SRGAP2: variants seen among roughly 807,000 people sequenced by gnomAD.
The protein encoded by SRGAP2 is SLIT-ROBO Rho GTPase-activating protein 2.
A neutral mutation model predicts 57.2 loss-of-function variants in SRGAP2; 15 were observed. The ratio of observed to expected loss-of-function variants is 0.26; its 90% CI spans 0.18 to 0.40. SRGAP2 has a LOEUF of 0.40. Ranked by LOEUF, SRGAP2 falls within the 10% of genes least tolerant of loss-of-function variation. The pLI is 1.00. For synonymous variants in SRGAP2, 249 were observed against 248.0 expected, an observed-to-expected ratio of 1.00 and a Z score of -0.04; for missense variants, 520 against 669.6, an observed-to-expected ratio of 0.78 and a Z score of 2.47.
At position 206,461,494 on chromosome 1, in the gene SRGAP2, A is replaced by T. The variant is rs1553380798; in HGVS notation, c.*74A>T. On this transcript the variant is annotated 3_prime_UTR_variant, in exon 23 of 23. Coordinates refer to ENST00000573034, the MANE Select transcript of SRGAP2 (RefSeq NM_015326.5). ...GTTATTAAAATCTTCCTATTTAACT[A>T]GCTTGGGGACTTCAGTTGAAAATTA... 1.5e-6 allele frequency: 1 copy of T among 659,730 alleles called. No homozygotes were observed. The highest frequency in any genetic ancestry group is 2.5e-5 in the Admixed American group (1 of 40,112). The allele number at this position is 659,730 out of a possible 1,614,324, so 40.9% of individuals were successfully genotyped here.
At chr1:206,254,179 G>GTTT (rs373417477) in intron 2 of SRGAP2, among the ~76,000 whole-genome samples, 16 of 47,110 alleles carry the variant, frequency 3.4e-4, no homozygotes, top group African/African-American at 1.9e-3. Flanking sequence ...TGCTTTTTCT[G>GTTT]TTTTTTTTTT....
chr1:206,359,798 C>T lies in SRGAP2; in HGVS notation c.423+16790C>T, dbSNP rs1489395738. 4.7e-3 allele frequency among the ~76,000 whole-genome samples: 331 copies of T among 70,112 alleles called. 6 individuals carry two copies. The highest frequency in any genetic ancestry group is 0.016 in the African/African-American group (278 of 16,862). 46.0% of individuals were successfully genotyped at this position (70,112 alleles called of 152,430 possible). On this transcript the variant is annotated intron_variant, in intron 4 of 22. Transcript: ENST00000573034. The stretch of plus-strand genomic sequence containing the variant: ...AGGATGGGGTACAAGGGATATTGCT[C>T]TTTTTTTTTTTTTTTTTTTTTTTTT...
At chr1:206,307,362 A>C (rs1672293039) in intron 3 of SRGAP2, among the ~76,000 whole-genome samples, 1 of 152,278 alleles carries the variant, frequency 6.6e-6, no homozygotes, top group South Asian at 2.1e-4. Flanking sequence ...CCATGTCCCC[A>C]CCAGACTCAG....
intron 17 of SRGAP2, 82 bp from the exon 18 acceptor site, chr1:206,445,993 C>A: frequency 2.7e-6 from 2 of 727,500 alleles, no homozygotes; most frequent in Admixed American, 1.9e-5. Context: ...TGCTTTTGCT[C>A]TTGGCAGCGC....
intron 13 of SRGAP2, among the ~76,000 whole-genome samples, chr1:206,423,879 G>A (rs1438748723): frequency 1.0e-4 from 15 of 149,980 alleles, no homozygotes; most frequent in Admixed American, 8.0e-4. Context: ...GGCTCAAGCA[G>A]TGCACCCACC....
intron 19 of SRGAP2, 39 bp downstream of exon 19, chr1:206,450,504 G>C (rs781993620): frequency 3.9e-6 from 3 of 778,668 alleles, no homozygotes; most frequent in East Asian, 4.9e-5. Context: ...GGACGCCAGG[G>C]GTGAGGCAGA....
chr1:206,314,173 T>C (rs1174591249), intron 3 of SRGAP2, among the ~76,000 whole-genome samples: 9 of 151,586 alleles, frequency 5.9e-5, no homozygotes, highest in African/African-American at 2.2e-4. Flanking sequence ...TCGCTCTTGT[T>C]GCCCAGGCTG....
At chr1:206,437,406 C>T (rs1322508194) in intron 15 of SRGAP2, among the ~76,000 whole-genome samples, 9 of 152,182 alleles carry the variant, frequency 5.9e-5, no homozygotes, top group African/African-American at 1.4e-4. Context: ...ATTTTGTGGG[C>T]TATTAAGGTA....
intron 3 of SRGAP2, among the ~76,000 whole-genome samples, chr1:206,308,069 C>G (rs1672367810): frequency 7.1e-6 from 1 of 141,312 alleles, no homozygotes; most frequent in African/African-American, 2.6e-5. Flanking sequence ...GGTGATTTCT[C>G]CAAGTTTAGA....
intron 13 of SRGAP2, among the ~76,000 whole-genome samples, chr1:206,426,151 A>G (rs118126779): frequency 0.013 from 1,910 of 152,246 alleles, 24 homozygotes; most frequent in South Asian, 0.027. Flanking sequence ...CCCAGTCTCC[A>G]GAAACCGTCA....
At chr1:206,324,571 G>A (rs1673727752) in intron 3 of SRGAP2, among the ~76,000 whole-genome samples, 1 of 151,954 alleles carries the variant, frequency 6.6e-6, no homozygotes, top group Admixed American at 6.6e-5. Flanking sequence ...TCACTGGGGG[G>A]TGCACAATTG....
At chr1:206,417,433 T>G (rs1572099314) in intron 11 of SRGAP2, among the ~76,000 whole-genome samples, 4 of 148,410 alleles carry the variant, frequency 2.7e-5, no homozygotes, top group African/African-American at 1.0e-4. Context: ...TTTTTTTTTT[T>G]TTGAGATGGA....
At chr1:206,410,376 CTTTT>C (rs1168809269) in intron 10 of SRGAP2, among the ~76,000 whole-genome samples, 1 of 152,124 alleles carries the variant, frequency 6.6e-6, no homozygotes, top group Non-Finnish European at 1.5e-5. Context: ...TACCCGTTGC[CTTTT>C]TTATTGTGAT....
chr1:206,447,819 T>C (rs1481867012), intron 18 of SRGAP2, among the ~76,000 whole-genome samples: 1 of 152,210 alleles, frequency 6.6e-6, no homozygotes, highest in Admixed American at 6.5e-5. Flanking sequence ...CCCTGGCCCC[T>C]GAGTCCCAGC....
At chr1:206,217,438 T>C (rs1246231110) in intron 2 of SRGAP2, among the ~76,000 whole-genome samples, 7 of 152,138 alleles carry the variant, frequency 4.6e-5, no homozygotes, top group Non-Finnish European at 2.9e-5. Flanking sequence ...AGCTTTGTCA[T>C]TGGCTACCAT....
chr1:206,270,584 G>A (rs1194474174), intron 2 of SRGAP2, among the ~76,000 whole-genome samples: 1 of 149,828 alleles, frequency 6.7e-6, no homozygotes, highest in Non-Finnish European at 1.5e-5. Context: ...ACAATGGCAG[G>A]TACCACCAAA....
chr1:206,350,964 A>G (rs1483407172), intron 4 of SRGAP2, among the ~76,000 whole-genome samples: 1 of 151,776 alleles, frequency 6.6e-6, no homozygotes, highest in Non-Finnish European at 1.5e-5. Flanking sequence ...GAGAATTGCC[A>G]CAACAGTCAG....
At position 206,393,658 on chromosome 1, in the gene SRGAP2, A is replaced by G; in HGVS notation, c.816A>G (p.Leu272=). 4.3e-6 allele frequency: 3 copies of G among 705,724 alleles called. No homozygotes were observed. Among genetic ancestry groups the G allele is most frequent in the Non-Finnish European group, 7.9e-6 (3 of 378,140 alleles). 43.7% of individuals were successfully genotyped at this position (705,724 alleles called of 1,614,324 possible). The change falls in exon 7 of 23, where the codon CTA becomes CTG. Residue 272 remains leucine (L), a synonymous_variant. Coordinates refer to ENST00000573034, the MANE Select transcript of SRGAP2 (RefSeq NM_015326.5). ...TCTTCAAGTACTACATCCATGACCT[A>G]TCTGACCTTATTGATGTAAGTGCTT... The part of the protein sequence containing the change: ...ASVFKYYIHD[L]SDLIDQCCDL...
chr1:206,220,773 G>A (rs1203010700), intron 2 of SRGAP2, among the ~76,000 whole-genome samples: 1 of 152,114 alleles, frequency 6.6e-6, no homozygotes, highest in Non-Finnish European at 1.5e-5. Flanking sequence ...ACTTGGGAAG[G>A]AGGAGGCTAT....
Sources: allele counts gnomAD v4.1 joint callset (sites outside exome capture counted in the v4.1 genomes callset), GRCh38; gene constraint gnomAD v4.1.1; transcripts MANE v1.5; gene names NCBI Gene and HGNC (gene_info 2026-07-23, HGNC 2026-07-21).